IQGAP1: variants seen among roughly 807,000 people sequenced by gnomAD.
IQGAP1 encodes ras GTPase-activating-like protein IQGAP1.
Under a neutral mutation model 215.6 loss-of-function variants are expected in IQGAP1, and 66 were observed. The observed-to-expected ratio is 0.31, with a 90% CI of 0.25 to 0.38. The LOEUF is 0.38. IQGAP1 is among the 10% of genes least tolerant of loss of function. The pLI is 1.00. For synonymous variants in IQGAP1, 772 were observed against 728.7 expected, an observed-to-expected ratio of 1.06 and a Z score of -0.96; for missense variants, 1,712 against 1,997.1, an observed-to-expected ratio of 0.86 and a Z score of 2.72.
chr15:90,477,986 G>C (rs747197675), intron 26 of IQGAP1, 97 bp downstream of exon 26: 86 of 811,330 alleles, frequency 1.1e-4, no homozygotes, highest in Non-Finnish European at 1.5e-4. Context: ...AGTTCAAATA[G>C]TTTTTCTTTT....
rs534096760 is a variant in IQGAP1, at chr15:90,395,563, G to A, written c.155+4690G>A. ...TCTTGATCTCCTGACCTCGTGATCC[G>A]CCCGCCTTGGCCTCCCACAGTGCTG... On this transcript the variant is annotated intron_variant, in intron 2 of 37. Coordinates refer to ENST00000268182, the MANE Select transcript of IQGAP1 (RefSeq NM_003870.4). Among the ~76,000 whole-genome samples the A allele has an allele frequency of 5.4e-3, 828 of 152,242 alleles. 2 individuals are homozygous for A. The highest frequency in any genetic ancestry group is 6.8e-3 in the Non-Finnish European group (463 of 68,008).
chr15:90,403,786 G>A (rs980178579), intron 2 of IQGAP1, among the ~76,000 whole-genome samples: 5 of 152,092 alleles, frequency 3.3e-5, no homozygotes, highest in African/African-American at 9.7e-5. Context: ...CGATTGTCCC[G>A]CCTCAGCCTC....
chr15:90,454,511 G>T lies in IQGAP1; in HGVS notation c.1571G>T (p.Cys524Phe). Residue 524 changes from cysteine to phenylalanine, a missense_variant, in exon 14 of 38, where the codon TGC becomes TTC. Coordinates refer to ENST00000268182, the MANE Select transcript of IQGAP1 (RefSeq NM_003870.4). The stretch of plus-strand genomic sequence containing the variant: ...ATTACATGGAATGATATCCAAGCTT[G>T]CGTGGACCATGTGAACCTGGTGGTG... ...EFITWNDIQA[C>F]VDHVNLVVQE... is the part of the protein sequence containing the mutation. 1 of 1,606,798 alleles carries T rather than the reference G, an allele frequency of 6.2e-7. No homozygotes were observed. Among genetic ancestry groups the T allele is most frequent in the Non-Finnish European group, 8.5e-7 (1 of 1,177,072 alleles).
rs968251184 is a variant in IQGAP1 at position 90,486,119 on chromosome 15, C to T, written c.4011C>T (p.Ile1337=). The change falls in exon 31 of 38, where the codon ATC becomes ATT. Residue 1337 remains isoleucine (I), a synonymous_variant. Transcript: ENST00000268182. ...ACGACCTCGGCGAGGTGCCCACCAT[C>T]GAGTCCCTGATAGGTAGAGTTCTAA... is the stretch of plus-strand genomic sequence containing the variant. The part of the protein sequence containing the change: ...LLDDLGEVPT[I]ESLIGESSGN... The T allele has an allele frequency of 6.8e-6, 11 of 1,612,648 alleles. No homozygotes were observed. The highest frequency in any genetic ancestry group is 1.6e-4 in the Middle Eastern group (1 of 6,080).
intron 14 of IQGAP1, among the ~76,000 whole-genome samples, chr15:90,455,671 G>A (rs1205802058): frequency 6.6e-6 from 1 of 152,242 alleles, no homozygotes; most frequent in Non-Finnish European, 1.5e-5. Context: ...AGGGAGCCCT[G>A]CGCTTGGATC....
intron 2 of IQGAP1, among the ~76,000 whole-genome samples, chr15:90,398,265 A>G (rs1040263703): frequency 2.6e-5 from 4 of 152,146 alleles, no homozygotes; most frequent in Non-Finnish European, 5.9e-5. Context: ...GGCACTTTCA[A>G]GGTCCTAAGG....
chr15:90,399,629 C>T (rs1964777653), intron 2 of IQGAP1, among the ~76,000 whole-genome samples: 1 of 152,124 alleles, frequency 6.6e-6, no homozygotes, highest in East Asian at 1.9e-4. Flanking sequence ...TTTAATTTCT[C>T]TAAAACCTTG....
At position 90,483,358 on chromosome 15, in the gene IQGAP1, C is replaced by T; in HGVS notation, c.3556-3C>T. 1.2e-6 allele frequency: 2 copies of T among 1,606,956 alleles called. No individual in the cohort carries two copies. The highest frequency in any genetic ancestry group is 1.7e-6 in the Non-Finnish European group (2 of 1,173,738). ...ACCCATCTTTCTGTTTCGTCTGTTC[C>T]AGATTATTGGTAACTTGCTTTATTA... On this transcript the variant is annotated splice_polypyrimidine_tract_variant and splice_region_variant and intron_variant, in intron 28 of 37. Coordinates refer to ENST00000268182, the MANE Select transcript of IQGAP1 (RefSeq NM_003870.4).
intron 4 of IQGAP1, 64 bp downstream of exon 4, chr15:90,429,730 C>G (rs1381736477): frequency 5.0e-6 from 5 of 999,500 alleles, no homozygotes; most frequent in Non-Finnish European, 6.1e-6. Context: ...CCTCAAACAA[C>G]CTGTTCTCAT....
chr15:90,390,725 C>A, intron 1 of IQGAP1, 49 bp from the exon 2 acceptor site: 2 of 1,272,558 alleles, frequency 1.6e-6, no homozygotes, highest in Non-Finnish European at 1.1e-6. Flanking sequence ...TTTTATCACT[C>A]AGGAAGGCTA....
chr15:90,467,709 T>C, intron 18 of IQGAP1, 117 bp downstream of exon 18: 1 of 1,036,214 alleles, frequency 9.7e-7, no homozygotes, highest in Non-Finnish European at 1.4e-6. Flanking sequence ...TGAGGTTATG[T>C]AATGAGCTGT....
chr15:90,450,533 T>C (rs560251014), intron 11 of IQGAP1, among the ~76,000 whole-genome samples: 5 of 152,010 alleles, frequency 3.3e-5, no homozygotes, highest in African/African-American at 1.2e-4. Flanking sequence ...CTCTCCATCC[T>C]GTTTTCCGTA....
intron 2 of IQGAP1, among the ~76,000 whole-genome samples, chr15:90,425,443 A>G (rs1351123938): frequency 1.3e-5 from 2 of 150,232 alleles, no homozygotes; most frequent in African/African-American, 4.8e-5. Context: ...AAATGTACTA[A>G]GAGATATTTG....
chr15:90,487,470 A>G, intron 32 of IQGAP1, 25 bp from the exon 33 acceptor site: 1 of 1,561,312 alleles, frequency 6.4e-7, no homozygotes, highest in Non-Finnish European at 8.8e-7. Context: ...GGTAATATTT[A>G]AATGCCTCCC....
chr15:90,499,207 G>C (rs1475585168), intron 37 of IQGAP1, among the ~76,000 whole-genome samples: 1 of 152,200 alleles, frequency 6.6e-6, no homozygotes, highest in Non-Finnish European at 1.5e-5. Context: ...TCTTAAACTT[G>C]TTCAGGACAA....
At position 90,471,502 on chromosome 15, in the gene IQGAP1, CT is replaced by C. The variant is rs370377668; in HGVS notation, c.2179-1324del. On this transcript the variant is annotated intron_variant, in intron 18 of 37. Coordinates refer to ENST00000268182, the MANE Select transcript of IQGAP1 (RefSeq NM_003870.4). The stretch of plus-strand genomic sequence containing the variant: ...ATGACCTCGCTCTACCTCATGAAGT[CT>C]TTTTTTTTTTTTTGAAGCGGAGTTT... 6.3e-3 allele frequency among the ~76,000 whole-genome samples: 906 copies of C among 144,136 alleles called. 3 individuals carry two copies. The highest frequency in any genetic ancestry group is 0.011 in the African/African-American group (423 of 39,388). 94.6% of individuals were successfully genotyped at this position (144,136 alleles called of 152,430 possible).
intron 10 of IQGAP1, among the ~76,000 whole-genome samples, chr15:90,448,980 T>C (rs562807084): frequency 8.5e-5 from 13 of 152,278 alleles, no homozygotes; most frequent in African/African-American, 2.4e-4. Context: ...CCCAGTCTAA[T>C]CACTCCTTCA....
intron 2 of IQGAP1, 101 bp from the exon 3 acceptor site, chr15:90,426,009 G>T (rs892093196): frequency 2.3e-5 from 27 of 1,155,236 alleles, no homozygotes; most frequent in South Asian, 3.2e-5. Context: ...ATTATGTTCA[G>T]TTTAAGCTTC....
At chr15:90,453,605 T>A (rs1965638935) in intron 13 of IQGAP1, among the ~76,000 whole-genome samples, 1 of 152,252 alleles carries the variant, frequency 6.6e-6, no homozygotes, top group African/African-American at 2.4e-5. Context: ...CAAACTGTCC[T>A]TTATAGCTGT....
Sources: gnomAD v4.1 joint callset for allele counts (sites outside exome capture counted in the v4.1 genomes callset) on GRCh38, gnomAD v4.1.1 for gene constraint, MANE v1.5 for transcripts, NCBI Gene and HGNC (gene_info 2026-07-23, HGNC 2026-07-21) for gene names.